Variants in ZFYVE16 observed in about 807,000 individuals in gnomAD.
The protein encoded by ZFYVE16 is zinc finger FYVE-type containing 16.
ZFYVE16 carries 89 observed loss-of-function variants against 138.1 expected under a neutral mutation model. The observed-to-expected ratio is 0.64, with a 90% CI of 0.54 to 0.77. The LOEUF (loss-of-function observed/expected upper bound fraction) is 0.77, where lower values mean the gene tolerates loss of function less well. ZFYVE16 is among the 30% of genes least tolerant of loss of function. ZFYVE16 has a pLI of 0.00. For missense variants in ZFYVE16, 1,793 were observed against 1,786.7 expected (o/e 1.00, Z -0.06); for synonymous variants, 596 against 618.3 (o/e 0.96, Z 0.53).
Position 80,437,650 on chromosome 5 carries a change from A to G in ZFYVE16, c.965A>G (p.Glu322Gly), listed in dbSNP as rs770380925. ...TTAAATGATTCAAATTCAAGAGATG[A>G]AAATTTCAAATTACCTGACTTTTCC... ...LCLNDSNSRDENFKLPDFSFQ... is the reference protein window; with the variant it reads ...LCLNDSNSRDGNFKLPDFSFQ... The change falls in exon 4 of 19, where the codon GAA (glutamate) becomes GGA (glycine). Residue 322 changes from glutamate to glycine, a missense_variant. By Grantham distance (98) the Glu-to-Gly change is moderately conservative. Coordinates refer to ENST00000505560, the MANE Select transcript of ZFYVE16 (RefSeq NM_001284236.3). 1.2e-6 allele frequency: 2 copies of G among 1,611,928 alleles called. No homozygotes were observed. Among genetic ancestry groups the G allele is most frequent in the Non-Finnish European group, 1.7e-6 (2 of 1,179,314 alleles).
chr5:80,473,979 A>T, intron 17 of ZFYVE16, 120 bp downstream of exon 17: 1 of 681,548 alleles, frequency 1.5e-6, no homozygotes, highest in Non-Finnish European at 2.4e-6. Flanking sequence ...TTTATGCTAC[A>T]CTTTGAGACA....
At chr5:80,475,290 AAAAGTC>A (rs2112560702) in intron 18 of ZFYVE16, among the ~76,000 whole-genome samples, 1 of 152,358 alleles carries the variant, frequency 6.6e-6, no homozygotes, top group African/African-American at 2.4e-5. Context: ...TTAAAATCTT[AAAAGTC>A]TAAAAGCGTA....
intron 1 of ZFYVE16, among the ~76,000 whole-genome samples, chr5:80,423,055 G>A (rs899622510): frequency 1.3e-5 from 2 of 152,072 alleles, no homozygotes; most frequent in African/African-American, 4.8e-5. Flanking sequence ...AGTTAGAAGT[G>A]TTCCCTCTGC....
At chr5:80,460,553 A>G (rs1389513849) in intron 15 of ZFYVE16, among the ~76,000 whole-genome samples, 1 of 152,154 alleles carries the variant, frequency 6.6e-6, no homozygotes, top group Non-Finnish European at 1.5e-5. Flanking sequence ...TTAAGTCCCT[A>G]ATTTATCTGG....
intron 1 of ZFYVE16, among the ~76,000 whole-genome samples, chr5:80,423,254 GT>G (rs1423312084): frequency 6.6e-6 from 1 of 151,946 alleles, no homozygotes; most frequent in Non-Finnish European, 1.5e-5. Flanking sequence ...ACTTTTGGCC[GT>G]TTATATCATT....
At chr5:80,416,444 T>C (rs3096109) in intron 1 of ZFYVE16, among the ~76,000 whole-genome samples, 132,177 of 151,096 alleles carry the variant, frequency 0.87, 58,541 homozygotes, top group Non-Finnish European at 0.94. Context: ...TTAGTAGAGA[T>C]GGGGTTTCAC....
At chr5:80,416,490 A>T (rs1016922769) in intron 1 of ZFYVE16, among the ~76,000 whole-genome samples, 1 of 150,854 alleles carries the variant, frequency 6.6e-6, no homozygotes, top group Admixed American at 6.6e-5. Context: ...TCTTGACCTC[A>T]GGTGATTGCC....
intron 15 of ZFYVE16, among the ~76,000 whole-genome samples, chr5:80,471,149 T>C (rs1330525716): frequency 6.6e-6 from 1 of 152,144 alleles, no homozygotes; most frequent in African/African-American, 2.4e-5. Flanking sequence ...CCTGTCCATA[T>C]GGATAAGATA....
At chr5:80,469,634 G>A (rs1754096602) in intron 15 of ZFYVE16, among the ~76,000 whole-genome samples, 1 of 152,110 alleles carries the variant, frequency 6.6e-6, no homozygotes, top group Non-Finnish European at 1.5e-5. Flanking sequence ...CTAGGACTCT[G>A]TCACTGTATG....
chr5:80,415,760 C>T lies in ZFYVE16; in HGVS notation c.-94+7607C>T, dbSNP rs539387157. Among the ~76,000 whole-genome samples the T allele has an allele frequency of 3.3e-4, 50 of 151,958 alleles. 1 individual carries two copies. Among genetic ancestry groups the T allele is most frequent in the African/African-American group, 1.1e-3 (47 of 41,438 alleles). ...TCAGCTCACTGCAACCTCTGCCTAC[C>T]GGGTTCAAGCGATTCTCCTGCCTCA... is the stretch of plus-strand genomic sequence containing the variant. On this transcript the variant is annotated intron_variant, in intron 1 of 18. Transcript: ENST00000505560.
At chr5:80,410,720 G>A (rs1429383670) in intron 1 of ZFYVE16, among the ~76,000 whole-genome samples, 1 of 151,502 alleles carries the variant, frequency 6.6e-6, no homozygotes, top group Non-Finnish European at 1.5e-5. Flanking sequence ...ACAGGCACGC[G>A]CCCCCATGCC....
intron 1 of ZFYVE16, among the ~76,000 whole-genome samples, chr5:80,422,759 T>C (rs1472836766): frequency 1.3e-5 from 2 of 152,302 alleles, no homozygotes; most frequent in Admixed American, 1.3e-4. Context: ...AGCCTGGATA[T>C]TGTTTTTATT....
chr5:80,417,871 A>G (rs1270549007), intron 1 of ZFYVE16, among the ~76,000 whole-genome samples: 1 of 152,202 alleles, frequency 6.6e-6, no homozygotes, highest in East Asian at 1.9e-4. Flanking sequence ...ATATGGTAGT[A>G]GTAAGTTTTG....
At chr5:80,428,427 A>G (rs911454438) in intron 2 of ZFYVE16, among the ~76,000 whole-genome samples, 3 of 152,210 alleles carry the variant, frequency 2.0e-5, no homozygotes, top group African/African-American at 7.2e-5. Context: ...AACAAACAGA[A>G]AGGACATCCA....
Position 80,448,118 on chromosome 5 carries a change from T to C in ZFYVE16, c.2817T>C (p.Ser939=). ...GDITRNEIIQ[S]PISQVPSVEK... The stretch of plus-strand genomic sequence containing the variant: ...TTACAAGAAATGAGATAATTCAGAG[T>C]CCTATTTCTCAGGTTCCATCAGTGG... The change falls in exon 8 of 19, where the codon AGT becomes AGC. Residue 939 remains serine (S), a synonymous_variant. Transcript: ENST00000505560. 6.2e-7 allele frequency: 1 copy of C among 1,613,792 alleles called. No homozygotes were observed. The highest frequency in any genetic ancestry group is 8.5e-7 in the Non-Finnish European group (1 of 1,179,892).
intron 11 of ZFYVE16, among the ~76,000 whole-genome samples, chr5:80,452,733 TGTG>T (rs1212260971): frequency 6.6e-6 from 1 of 152,126 alleles, no homozygotes; most frequent in Non-Finnish European, 1.5e-5. Flanking sequence ...ACTTAAAAAT[TGTG>T]GTTATTTTTC....
chr5:80,463,182 C>G (rs528120369), intron 15 of ZFYVE16, among the ~76,000 whole-genome samples: 1 of 152,246 alleles, frequency 6.6e-6, no homozygotes, highest in Non-Finnish European at 1.5e-5. Context: ...CCCTTCTGCA[C>G]TGCCCTAGCA....
intron 15 of ZFYVE16, among the ~76,000 whole-genome samples, chr5:80,469,454 G>T (rs1754078196): frequency 6.6e-6 from 1 of 151,858 alleles, no homozygotes; most frequent in African/African-American, 2.4e-5. Flanking sequence ...TATTGCCCAG[G>T]CTGGTCTCAA....
chr5:80,411,303 A>C (rs1745424375), intron 1 of ZFYVE16, among the ~76,000 whole-genome samples: 1 of 152,118 alleles, frequency 6.6e-6, no homozygotes, highest in African/African-American at 2.4e-5. Context: ...ATAAAAAAAA[A>C]GTAAAATAGT....
Sources: allele counts gnomAD v4.1 joint callset (sites outside exome capture counted in the v4.1 genomes callset), GRCh38; gene constraint gnomAD v4.1.1; transcripts MANE v1.5; gene names NCBI Gene and HGNC (gene_info 2026-07-23, HGNC 2026-07-21).